PTPRN2: variants seen among roughly 807,000 people sequenced by gnomAD.
The protein encoded by PTPRN2 is protein tyrosine phosphatase receptor type N2.
A neutral mutation model predicts 118.8 loss-of-function variants in PTPRN2; 74 were observed. That is an observed-to-expected ratio of 0.62 (90% CI 0.52 to 0.76). The LOEUF (loss-of-function observed/expected upper bound fraction) is 0.76. Ranked by LOEUF, PTPRN2 falls within the 30% of genes least tolerant of loss-of-function variation. The probability of loss-of-function intolerance (pLI) is 0.00; values close to 1 mark genes in which losing one functional copy is unlikely to be tolerated. For missense variants in PTPRN2, 1,481 were observed against 1,394.4 expected, an observed-to-expected ratio of 1.06 and a Z score of -0.99; for synonymous variants, 641 against 608.0, an observed-to-expected ratio of 1.05 and a Z score of -0.80.
chr7:158,042,969 G>A (rs1281516783), intron 11 of PTPRN2, among the ~76,000 whole-genome samples: 3 of 152,130 alleles, frequency 2.0e-5, no homozygotes, highest in Non-Finnish European at 2.9e-5. Flanking sequence ...ACTCTTGGAG[G>A]TTCTGGAATC....
intron 12 of PTPRN2, among the ~76,000 whole-genome samples, chr7:157,772,919 A>C (rs1037557147): frequency 2.0e-5 from 3 of 152,084 alleles, no homozygotes; most frequent in African/African-American, 7.2e-5. Flanking sequence ...GGCCTGGGTG[A>C]TATGGTCCAG....
intron 12 of PTPRN2, among the ~76,000 whole-genome samples, chr7:157,728,447 G>A (rs138562235): frequency 6.6e-6 from 1 of 152,224 alleles, no homozygotes; most frequent in Non-Finnish European, 1.5e-5. Context: ...TCACGGGGGC[G>A]AGGGGCTGGG....
intron 2 of PTPRN2, among the ~76,000 whole-genome samples, chr7:158,365,862 A>AC (rs71200013): frequency 2.7e-4 from 37 of 138,682 alleles, no homozygotes; most frequent in Non-Finnish European, 3.6e-4. Flanking sequence ...ACACACACAC[A>AC]GCATCCCTGG....
intron 12 of PTPRN2, among the ~76,000 whole-genome samples, chr7:157,720,675 A>G (rs539020187): frequency 2.2e-3 from 330 of 152,302 alleles, no homozygotes; most frequent in African/African-American, 7.6e-3. Flanking sequence ...GTCTCCATCA[A>G]GCGCTTTCTG....
intron 11 of PTPRN2, among the ~76,000 whole-genome samples, chr7:158,000,532 G>A (rs1805143263): frequency 1.3e-5 from 2 of 151,092 alleles, no homozygotes; most frequent in Admixed American, 6.6e-5. Flanking sequence ...CTGACATTTC[G>A]GCTTTGAGGT....
intron 21 of PTPRN2, among the ~76,000 whole-genome samples, chr7:157,549,759 T>C (rs1454601853): frequency 1.3e-5 from 2 of 152,208 alleles, no homozygotes; most frequent in African/African-American, 4.8e-5. Context: ...CTCTCCAGCG[T>C]GTTGCAGTTG....
chr7:158,299,931 G>A (rs1800765582), intron 3 of PTPRN2, among the ~76,000 whole-genome samples: 1 of 152,174 alleles, frequency 6.6e-6, no homozygotes, highest in Non-Finnish European at 1.5e-5. Flanking sequence ...GCAGCTCAGG[G>A]GCAGGTTCTG....
intron 3 of PTPRN2, among the ~76,000 whole-genome samples, chr7:158,297,609 A>G (rs1345987579): frequency 6.6e-6 from 1 of 152,206 alleles, no homozygotes; most frequent in Non-Finnish European, 1.5e-5. Flanking sequence ...GTCATTAAGG[A>G]CAGGTCCCAA....
intron 6 of PTPRN2, among the ~76,000 whole-genome samples, chr7:158,164,135 A>G (rs1401266084): frequency 6.6e-6 from 1 of 152,194 alleles, no homozygotes; most frequent in East Asian, 1.9e-4. Context: ...GAAGATCCAC[A>G]CCCTGGGGTG....
intron 10 of PTPRN2, among the ~76,000 whole-genome samples, chr7:158,085,988 G>A (rs1260273307): frequency 5.9e-5 from 9 of 152,270 alleles, no homozygotes; most frequent in Middle Eastern, 3.4e-3. Context: ...CCACATGGGT[G>A]TTTTCTCCGT....
At chr7:157,725,074 G>A (rs1366134897) in intron 12 of PTPRN2, among the ~76,000 whole-genome samples, 1 of 152,172 alleles carries the variant, frequency 6.6e-6, no homozygotes, top group Non-Finnish European at 1.5e-5. Flanking sequence ...AAAATAAACT[G>A]ACTTTTAAAA....
At chr7:157,628,601 C>A (rs1803742715) in intron 14 of PTPRN2, among the ~76,000 whole-genome samples, 2 of 152,232 alleles carry the variant, frequency 1.3e-5, no homozygotes, top group African/African-American at 4.8e-5. Flanking sequence ...TCTGACTGAG[C>A]CCCACGGGTG....
At chr7:157,814,471 G>A (rs1806262084) in intron 12 of PTPRN2, among the ~76,000 whole-genome samples, 1 of 150,490 alleles carries the variant, frequency 6.6e-6, no homozygotes. Flanking sequence ...GGGACAGGAG[G>A]GGGCAGGACA....
chr7:158,279,083 C>T (rs978504547), intron 3 of PTPRN2, among the ~76,000 whole-genome samples: 2 of 152,182 alleles, frequency 1.3e-5, no homozygotes, highest in Non-Finnish European at 2.9e-5. Flanking sequence ...ACAAACCCTC[C>T]ACACTGTGGA....
intron 10 of PTPRN2, among the ~76,000 whole-genome samples, chr7:158,102,267 G>A (rs992531524): frequency 6.6e-6 from 1 of 152,154 alleles, no homozygotes; most frequent in Non-Finnish European, 1.5e-5. Flanking sequence ...ACCACAGAAG[G>A]GCTTTGCCAG....
chr7:157,749,874 T>G (rs1801347932), intron 12 of PTPRN2, among the ~76,000 whole-genome samples: 1 of 145,758 alleles, frequency 6.9e-6, no homozygotes. Context: ...GAGGCCTGTG[T>G]CCCTGCGCTG....
chr7:157,700,408 C>T (rs1798006454), intron 12 of PTPRN2, among the ~76,000 whole-genome samples: 1 of 152,190 alleles, frequency 6.6e-6, no homozygotes, highest in African/African-American at 2.4e-5. Context: ...GTTACTTTTC[C>T]TCCACTGGGT....
intron 1 of PTPRN2, among the ~76,000 whole-genome samples, chr7:158,506,388 T>C (rs1350958942): frequency 6.6e-6 from 1 of 151,998 alleles, no homozygotes; most frequent in Non-Finnish European, 1.5e-5. Flanking sequence ...TTGTCCTCCT[T>C]CAGTAGAATG....
intron 11 of PTPRN2, among the ~76,000 whole-genome samples, chr7:157,942,156 ACCCTCCACACACAGGG>A: frequency 7.0e-6 from 1 of 142,252 alleles, no homozygotes; most frequent in South Asian, 2.3e-4. Flanking sequence ...TCCTCGGCCC[ACCCTCCACACACAGGG>A]GTCCTCGGCC....
Sources: gnomAD v4.1 joint callset for allele counts (sites outside exome capture counted in the v4.1 genomes callset) on GRCh38, gnomAD v4.1.1 for gene constraint, MANE v1.5 for transcripts, NCBI Gene and HGNC (gene_info 2026-07-23, HGNC 2026-07-21) for gene names.